BCKDK: variants seen among roughly 807,000 people sequenced by gnomAD.
The protein encoded by BCKDK is branched chain keto acid dehydrogenase kinase, also known as branched-chain alpha-ketoacid dehydrogenase kinase.
In BCKDK, 28 loss-of-function variants were observed where a neutral mutation model predicts 43.9. The observed-to-expected ratio is 0.64, with a 90% confidence interval of 0.47 to 0.87. BCKDK has a LOEUF of 0.87. Among genes scored for constraint, BCKDK ranks in the 40% least tolerant of loss-of-function variants. The probability of loss-of-function intolerance (pLI) is 0.00; values close to 1 mark genes in which losing one functional copy is unlikely to be tolerated. For missense variants in BCKDK, 483 were observed against 581.4 expected, an observed-to-expected ratio of 0.83 and a Z score of 1.74; for synonymous variants, 257 against 234.3, an observed-to-expected ratio of 1.10 and a Z score of -0.88.
At position 31,109,500 on chromosome 16, in the gene BCKDK, T is replaced by TC; in HGVS notation, c.196-8dup. On this transcript the variant is annotated splice_polypyrimidine_tract_variant and intron_variant, in intron 2 of 11. Transcript: ENST00000219794. The surrounding 1 kb of genome is among the most constrained non-coding windows in gnomAD (Gnocchi z 5.3). ...GGGGGTTCTCTGCTCAAGGCCTCTC[T>TC]CCCTCTCTAGCCCTCAGTCCGCCTA... 6.2e-7 allele frequency: 1 copy of TC among 1,613,998 alleles called. No individual in the cohort carries two copies.
At chr16:31,113,598 T>C (rs1359886247), downstream of BCKDK, among the ~76,000 whole-genome samples, 1 of 152,198 alleles carries the variant, frequency 6.6e-6, no homozygotes, top group Non-Finnish European at 1.5e-5. Context: ...CACCTCAGCC[T>C]TCTGAGTAGC....
rs1364320462 is a variant in BCKDK at position 31,109,830 on chromosome 16, G to A, written c.375+47G>A. 1.9e-6 allele frequency: 3 copies of A among 1,583,978 alleles called. No homozygotes were observed. Among genetic ancestry groups the A allele is most frequent in the East Asian group, 2.2e-5 (1 of 44,726 alleles). The stretch of plus-strand genomic sequence containing the variant: ...GTCAGCGGGCCACCCTGCCCCGGGG[G>A]CAAGTGGGGAGTCTGGGGCCCAGAG... On this transcript the variant is annotated intron_variant, in intron 4 of 11. Coordinates refer to ENST00000219794, the MANE Select transcript of BCKDK (RefSeq NM_005881.4). The surrounding 1 kb of genome is among the most constrained non-coding windows in gnomAD (Gnocchi z 5.3).
At chr16:31,111,262 G>A (rs555689068) in intron 9 of BCKDK, 38 bp from the exon 10 acceptor site, 180 of 1,614,080 alleles carry the variant, frequency 1.1e-4, no homozygotes, top group Admixed American at 4.0e-4. Flanking sequence ...GACAGGAACC[G>A]GGGTGCTTGT....
In BCKDK at chr16:31,108,841, C is replaced by T. The variant is rs1189072262; in HGVS notation, c.-177-206C>T. ...CTGAGGGGCTCCTCCCCCGACAGCC[C>T]TCCCACCGCCAGTAGAGCCTCGGGT... On this transcript the variant is annotated intron_variant, in intron 1 of 11. Coordinates refer to ENST00000219794, the MANE Select transcript of BCKDK (RefSeq NM_005881.4). The surrounding 1 kb of genome is among the most constrained non-coding windows in gnomAD (Gnocchi z 6.2). 12 of 163,792 alleles carry T rather than the reference C, an allele frequency of 7.3e-5. No individual in the cohort carries two copies. In the East Asian group the frequency reaches 2.1e-3, roughly 28 times the overall value. 10.1% of individuals were successfully genotyped at this position (163,792 alleles called of 1,614,324 possible). A position where few individuals can be genotyped will look rare whatever the true frequency, so the allele number is the denominator to read the frequency against.
At chr16:31,111,027 A>T in intron 8 of BCKDK, 64 bp from the exon 9 acceptor site, 1 of 1,599,910 alleles carries the variant, frequency 6.3e-7, no homozygotes, top group Admixed American at 1.7e-5. Context: ...GGGGGGCAGA[A>T]TTGTTTCCAG....
At position 31,110,627 on chromosome 16, in the gene BCKDK, T is replaced by C; in HGVS notation, c.643-61T>C. 1.9e-6 allele frequency: 3 copies of C among 1,598,066 alleles called. No individual in the cohort carries two copies. The highest frequency in any genetic ancestry group is 2.6e-6 in the Non-Finnish European group (3 of 1,165,698). On this transcript the variant is annotated intron_variant, in intron 7 of 11. Coordinates refer to ENST00000219794, the MANE Select transcript of BCKDK (RefSeq NM_005881.4). This position sits in a 1 kb window ranked among gnomAD's most constrained non-coding sequence, Gnocchi z 5.4. ...TGGTGCTTTGGGGCAGTTCCGAAGTTGCCAGCATCTTGGGGTGGGGCTAGG... is the reference window on the plus strand; with the variant it reads ...TGGTGCTTTGGGGCAGTTCCGAAGTCGCCAGCATCTTGGGGTGGGGCTAGG...
Position 31,112,433 on chromosome 16 carries a change from G to T in BCKDK, c.*168G>T. 1 of 1,126,096 alleles carries T rather than the reference G, an allele frequency of 8.9e-7. No individual in the cohort carries two copies. The highest frequency in any genetic ancestry group is 1.3e-6 in the Non-Finnish European group (1 of 774,202). The allele number at this position is 1,126,096 out of a possible 1,614,324, so 69.8% of individuals were successfully genotyped here. ...CTGGGCACTGCCCTGCCTCAACAGGGTCCATTGCCTCCTCGCCTCCAGAAC... is the reference window on the plus strand; with the variant it reads ...CTGGGCACTGCCCTGCCTCAACAGGTTCCATTGCCTCCTCGCCTCCAGAAC... On this transcript the variant is annotated 3_prime_UTR_variant, in exon 12 of 12. Transcript: ENST00000219794. This position sits in a 1 kb window ranked among gnomAD's most constrained non-coding sequence, Gnocchi z 5.0.
In BCKDK at chr16:31,109,965, T is replaced by G. The variant is rs1399825054; in HGVS notation, c.376-112T>G. 3.3e-6 allele frequency: 5 copies of G among 1,499,976 alleles called. No individual in the cohort carries two copies. Among genetic ancestry groups the G allele is most frequent in the Non-Finnish European group, 4.6e-6 (5 of 1,078,994 alleles). The allele number at this position is 1,499,976 out of a possible 1,614,324, so 92.9% of individuals were successfully genotyped here. ...GAGCCTGGAAGGGTCGAAGTGGGGG[T>G]TTGATCACGTGGTCGACCAGCTGGG... On this transcript the variant is annotated intron_variant, in intron 4 of 11. Transcript: ENST00000219794. The surrounding 1 kb of genome is among the most constrained non-coding windows in gnomAD (Gnocchi z 5.3).
rs765164352 is a variant in BCKDK at position 31,110,663 on chromosome 16, GT to G, written c.643-24del. On this transcript the variant is annotated intron_variant, in intron 7 of 11. Transcript: ENST00000219794. The surrounding 1 kb of genome is among the most constrained non-coding windows in gnomAD (Gnocchi z 5.4). ...TGGGGTGGGGCTAGGGGCGTGGGTAGTCCTGACCTCCTTTCTCCGGCCAGCC... is the reference window on the plus strand; with the variant it reads ...TGGGGTGGGGCTAGGGGCGTGGGTAGCCTGACCTCCTTTCTCCGGCCAGCC... 7 of 1,613,248 alleles carry G rather than the reference GT, an allele frequency of 4.3e-6. No homozygotes were observed. In the South Asian group the frequency reaches 7.7e-5, roughly 18 times the overall value.
In BCKDK at chr16:31,111,347, T is replaced by C; in HGVS notation, c.893T>C (p.Val298Ala). 6.2e-7 allele frequency: 1 copy of C among 1,614,156 alleles called. No individual in the cohort carries two copies. The stretch of plus-strand genomic sequence containing the variant: ...GACACTCCCTACAATGTCCCAGATG[T>C]GGTCATCACCATCGCCAACAATGAT... ...HLDTPYNVPD[V>A]VITIANNDVD... The change falls in exon 10 of 12, where the codon GTG (valine) becomes GCG (alanine). Residue 298 changes from valine (V) to alanine (A), a missense_variant. Physicochemically the swap from Val to Ala is moderately conservative, Grantham distance 64. Transcript: ENST00000219794.
Position 31,109,950 on chromosome 16 carries a change from G to T in BCKDK, c.376-127G>T. 7.0e-7 allele frequency: 1 copy of T among 1,431,464 alleles called. No individual in the cohort carries two copies. The highest frequency in any genetic ancestry group is 9.8e-7 in the Non-Finnish European group (1 of 1,019,560). The allele number at this position is 1,431,464 out of a possible 1,614,324, so 88.7% of individuals were successfully genotyped here. A position where few individuals can be genotyped will look rare whatever the true frequency, so the allele number is the denominator to read the frequency against. ...AGGTGTGTATTCACGGAGCCTGGAA[G>T]GGTCGAAGTGGGGGTTTGATCACGT... On this transcript the variant is annotated intron_variant, in intron 4 of 11. Transcript: ENST00000219794. The surrounding 1 kb of genome is among the most constrained non-coding windows in gnomAD (Gnocchi z 5.3).
chr16:31,112,709 C>A lies in BCKDK; in HGVS notation c.*444C>A. 1 of 329,252 alleles carries A rather than the reference C, an allele frequency of 3.0e-6. No homozygotes were observed. The highest frequency in any genetic ancestry group is 5.9e-6 in the Non-Finnish European group (1 of 170,852). The allele number at this position is 329,252 out of a possible 1,614,324, so 20.4% of individuals were successfully genotyped here. A position where few individuals can be genotyped will look rare whatever the true frequency, so the allele number is the denominator to read the frequency against. On this transcript the variant is annotated 3_prime_UTR_variant, in exon 12 of 12. Transcript: ENST00000219794. The surrounding 1 kb of genome is among the most constrained non-coding windows in gnomAD (Gnocchi z 5.0). ...CTGGCAGGCCAGGAGTAGAATGGGTCCCAAGTCTGTTGCATGTTTGATTTG... is the reference window on the plus strand; with the variant it reads ...CTGGCAGGCCAGGAGTAGAATGGGTACCAAGTCTGTTGCATGTTTGATTTG...
Position 31,108,783 on chromosome 16 carries a change from G to T in BCKDK, c.-177-264G>T, listed in dbSNP as rs1311745160. On this transcript the variant is annotated intron_variant, in intron 1 of 11. Coordinates refer to ENST00000219794, the MANE Select transcript of BCKDK (RefSeq NM_005881.4). The surrounding 1 kb of genome is among the most constrained non-coding windows in gnomAD (Gnocchi z 6.2). ...CTGAGAAGGGTACCCGGGACCCCGG[G>T]GCGCTGGGGCGAGGTTTTCGGGCTG... 1 of 153,182 alleles carries T rather than the reference G, an allele frequency of 6.5e-6. No individual in the cohort carries two copies. Among genetic ancestry groups the T allele is most frequent in the African/African-American group, 2.4e-5 (1 of 41,516 alleles). 9.5% of individuals were successfully genotyped at this position (153,182 alleles called of 1,614,324 possible).
In BCKDK at chr16:31,109,323, G is replaced by T; in HGVS notation, c.100G>T (p.Ala34Ser). 1 of 1,609,042 alleles carries T rather than the reference G, an allele frequency of 6.2e-7. No homozygotes were observed. The highest frequency in any genetic ancestry group is 8.5e-7 in the Non-Finnish European group (1 of 1,177,614). Residue 34 changes from alanine (A) to serine (S), a missense_variant, in exon 2 of 12, where the codon GCC becomes TCC. Physicochemically the swap from Ala to Ser is moderately conservative, Grantham distance 99. Coordinates refer to ENST00000219794, the MANE Select transcript of BCKDK (RefSeq NM_005881.4). The surrounding 1 kb of genome is among the most constrained non-coding windows in gnomAD (Gnocchi z 5.3). ...ALALRARSTS[A>S]TDTHHVEMAR... is the part of the protein sequence containing the mutation. ...CGCGCTCCGGGCCCGCTCGACGTCG[G>T]CCACCGACACACACCACGTGGAGAT...
chr16:31,111,488 C>A, intron 10 of BCKDK, 99 bp downstream of exon 10: 1 of 1,340,312 alleles, frequency 7.5e-7, no homozygotes, highest in Non-Finnish European at 1.1e-6. Flanking sequence ...CTGCCCCATT[C>A]TGGGACTTGG....
Position 31,108,990 on chromosome 16 carries a change from ATGG to A in BCKDK, c.-177-54_-177-52del. 1.1e-5 allele frequency: 5 copies of A among 450,328 alleles called. No homozygotes were observed. The East Asian group carries it at 1.7e-4, about 16-fold the overall frequency. 27.9% of individuals were successfully genotyped at this position (450,328 alleles called of 1,614,324 possible). ...GGGAGACCGATGCACAGGTGGAGAGATGGTGCGGGTTCTGTGGATTCGGATCCT... is the reference window on the plus strand; with the variant it reads ...GGGAGACCGATGCACAGGTGGAGAGATGCGGGTTCTGTGGATTCGGATCCT... On this transcript the variant is annotated intron_variant, in intron 1 of 11. Transcript: ENST00000219794. The surrounding 1 kb of genome is among the most constrained non-coding windows in gnomAD (Gnocchi z 6.2).
Position 31,112,488 on chromosome 16 carries a change from C to G in BCKDK, c.*223C>G, listed in dbSNP as rs1264759068. On this transcript the variant is annotated 3_prime_UTR_variant, in exon 12 of 12. Transcript: ENST00000219794. The surrounding 1 kb of genome is among the most constrained non-coding windows in gnomAD (Gnocchi z 5.0). Reference sequence around the variant, plus strand: ...AGCAGGGAAGTGGGCACCCTGAGGCCTCCAGCACCAGTTCCGTCATTCTCG... The same window carrying G: ...AGCAGGGAAGTGGGCACCCTGAGGCGTCCAGCACCAGTTCCGTCATTCTCG... The G allele has an allele frequency of 1.5e-5, 10 of 677,730 alleles. No individual in the cohort carries two copies. Among genetic ancestry groups the G allele is most frequent in the Non-Finnish European group, 2.6e-5 (10 of 388,942 alleles). The allele number at this position is 677,730 out of a possible 1,614,324, so 42.0% of individuals were successfully genotyped here. A position where few individuals can be genotyped will look rare whatever the true frequency, so the allele number is the denominator to read the frequency against.
Position 31,112,106 on chromosome 16 carries a change from C to T in BCKDK, c.1095-15C>T. The T allele has an allele frequency of 6.2e-7, 1 of 1,607,120 alleles. No individual in the cohort carries two copies. Among genetic ancestry groups the T allele is most frequent in the African/African-American group, 1.3e-5 (1 of 74,966 alleles). On this transcript the variant is annotated splice_polypyrimidine_tract_variant and intron_variant, in intron 11 of 11. Coordinates refer to ENST00000219794, the MANE Select transcript of BCKDK (RefSeq NM_005881.4). The surrounding 1 kb of genome is among the most constrained non-coding windows in gnomAD (Gnocchi z 5.0). ...CCTCTGAAGCCTCCTGTCCTGTCCC[C>T]CTGCCCACCCCCAGCTTTGGCTTCG... is the stretch of plus-strand genomic sequence containing the variant.
In BCKDK at chr16:31,111,876, G is replaced by A; in HGVS notation, c.943G>A (p.Asp315Asn). 6.2e-7 allele frequency: 1 copy of A among 1,614,134 alleles called. No homozygotes were observed. Among genetic ancestry groups the A allele is most frequent in the Non-Finnish European group, 8.5e-7 (1 of 1,180,016 alleles). Residue 315 changes from aspartate (D) to asparagine (N), a missense_variant, in exon 11 of 12, where the codon GAC becomes AAC. Transcript: ENST00000219794. ...TTGTTGCCATCTTGCTAGGATCTCA[G>A]ACCGTGGTGGAGGAATCGCTCACAA... ...NDVDLIIRIS[D>N]RGGGIAHKDL...
Sources: gnomAD v4.1 joint callset for allele counts (sites outside exome capture counted in the v4.1 genomes callset) on GRCh38, gnomAD v4.1.1 for gene constraint, Gnocchi (gnomAD v3.1) non-coding constraint, MANE v1.5 for transcripts, NCBI Gene and HGNC (gene_info 2026-07-23, HGNC 2026-07-21) for gene names.